WDR19: variants seen among roughly 807,000 people sequenced by gnomAD.
WDR19 encodes the protein WD repeat-containing protein 19.
A neutral mutation model predicts 180.0 loss-of-function variants in WDR19; 121 were observed. The ratio of observed to expected loss-of-function variants is 0.67; its 90% CI spans 0.58 to 0.78. The LOEUF is 0.78. Among genes scored for constraint, WDR19 ranks in the 30% least tolerant of loss-of-function variants. WDR19 has a pLI of 0.00. For missense variants in WDR19, 1,450 were observed against 1,640.7 expected, an observed-to-expected ratio of 0.88 and a Z score of 2.01; for synonymous variants, 497 against 540.7, an observed-to-expected ratio of 0.92 and a Z score of 1.12.
At chr4:39,237,337 A>G (rs1463337879) in intron 20 of WDR19, among the ~76,000 whole-genome samples, 2 of 152,114 alleles carry the variant, frequency 1.3e-5, no homozygotes, top group African/African-American at 2.4e-5. Flanking sequence ...AGGGAGGAAG[A>G]CTGCTTGAGC....
At chr4:39,215,456 C>G (rs1235190078) in intron 10 of WDR19, among the ~76,000 whole-genome samples, 1 of 152,092 alleles carries the variant, frequency 6.6e-6, no homozygotes, top group African/African-American at 2.4e-5. Context: ...CAGTAACATG[C>G]CATACAGGCT....
At chr4:39,281,207 G>A (rs1421265224) in intron 36 of WDR19, among the ~76,000 whole-genome samples, 1 of 104,370 alleles carries the variant, frequency 9.6e-6, no homozygotes, top group African/African-American at 5.2e-5. Flanking sequence ...AAATATATAT[G>A]TGTGTGTGTA....
intron 6 of WDR19, among the ~76,000 whole-genome samples, chr4:39,200,243 A>C (rs1285162183): frequency 6.6e-6 from 1 of 152,260 alleles, no homozygotes; most frequent in Non-Finnish European, 1.5e-5. Flanking sequence ...CTATAGAAAG[A>C]ATATGAAATA....
chr4:39,188,442 CAG>C (rs1399055313), intron 3 of WDR19, among the ~76,000 whole-genome samples: 2 of 151,716 alleles, frequency 1.3e-5, no homozygotes, highest in South Asian at 2.1e-4. Flanking sequence ...TGACCAGGCA[CAG>C]GGGCTCACAC....
chr4:39,244,938 C>CT lies in WDR19; in HGVS notation c.2645+401dup, dbSNP rs72240523. 5.5e-3 allele frequency among the ~76,000 whole-genome samples: 634 copies of CT among 115,210 alleles called. 2 individuals carry two copies. The highest frequency in any genetic ancestry group is 0.015 in the African/African-American group (437 of 29,888). The allele number at this position is 115,210 out of a possible 152,430, so 75.6% of individuals were successfully genotyped here. A position where few individuals can be genotyped will look rare whatever the true frequency, so the allele number is the denominator to read the frequency against. ...AAGATTTTCTTTCTTTTTTTTTTTTCTTTTTTTTTTTTTTTGAGACAGAAG... is the reference window on the plus strand; with the variant it reads ...AAGATTTTCTTTCTTTTTTTTTTTTCTTTTTTTTTTTTTTTTGAGACAGAAG... On this transcript the variant is annotated intron_variant, in intron 23 of 36. Coordinates refer to ENST00000399820, the MANE Select transcript of WDR19 (RefSeq NM_025132.4).
At chr4:39,184,851 T>C (rs998006907) in intron 1 of WDR19, among the ~76,000 whole-genome samples, 17 of 152,314 alleles carry the variant, frequency 1.1e-4, no homozygotes, top group Non-Finnish European at 2.1e-4. Flanking sequence ...CTAAATGTTC[T>C]AGATCAACAC....
chr4:39,251,692 G>A (rs1281526078), intron 24 of WDR19, among the ~76,000 whole-genome samples: 1 of 152,070 alleles, frequency 6.6e-6, no homozygotes. Context: ...CAAAAAGTGG[G>A]TGAAGGATAT....
At chr4:39,274,702 C>A in intron 32 of WDR19, 106 bp from the exon 33 acceptor site, 1 of 1,367,230 alleles carries the variant, frequency 7.3e-7, no homozygotes, top group Non-Finnish European at 1.0e-6. Context: ...AAGCAAAGTT[C>A]AGAGACCATG....
intron 4 of WDR19, among the ~76,000 whole-genome samples, 169 bp from the exon 5 acceptor site, chr4:39,194,375 G>T (rs899358025): frequency 1.3e-5 from 2 of 152,266 alleles, no homozygotes; most frequent in South Asian, 2.1e-4. Flanking sequence ...TCATTCTGTA[G>T]CATCTCCAAA....
intron 17 of WDR19, among the ~76,000 whole-genome samples, chr4:39,230,483 CT>C (rs1730726339): frequency 6.6e-6 from 1 of 152,130 alleles, no homozygotes; most frequent in African/African-American, 2.4e-5. Context: ...TTGGGCTAGT[CT>C]TTTGACGTCT....
chr4:39,257,518 G>T lies in WDR19; in HGVS notation c.3147G>T (p.Ser1049=). Residue 1049 remains serine, a synonymous_variant, in exon 28 of 37, where the codon TCG becomes TCT. Transcript: ENST00000399820. ...ALKHFLKCPS[S]EDNVAIEMAI... is the part of the protein sequence containing the mutation. Reference sequence around the variant, plus strand: ...AACACTTCCTGAAATGCCCAAGCTCGGAAGATAATGTGGCAATAGAAATGG... The same window carrying T: ...AACACTTCCTGAAATGCCCAAGCTCTGAAGATAATGTGGCAATAGAAATGG... 6.3e-7 allele frequency: 1 copy of T among 1,589,712 alleles called. No homozygotes were observed. Among genetic ancestry groups the T allele is most frequent in the East Asian group, 2.3e-5 (1 of 44,232 alleles).
At position 39,225,034 on chromosome 4, in the gene WDR19, G is replaced by C; in HGVS notation, c.1629+1G>C. On this transcript the variant is annotated splice_donor_variant, in intron 15 of 36. Transcript: ENST00000399820. LOFTEE classifies it high-confidence loss of function. ...AAGTGATGGATTTGTTTACTGTCCA[G>C]TAAGTCTGGAACATTTTTAAATGTT... The C allele has an allele frequency of 1.9e-6, 3 of 1,546,984 alleles. No homozygotes were observed. The highest frequency in any genetic ancestry group is 2.6e-6 in the Non-Finnish European group (3 of 1,147,674).
At chr4:39,269,170 C>T (rs1389585921) in intron 30 of WDR19, among the ~76,000 whole-genome samples, 1 of 152,086 alleles carries the variant, frequency 6.6e-6, no homozygotes, top group Non-Finnish European at 1.5e-5. Flanking sequence ...GCGCAGAGGC[C>T]GATCCTGAAG....
At chr4:39,205,983 C>A in intron 9 of WDR19, 2 of 376,316 alleles carry the variant, frequency 5.3e-6, no homozygotes, top group South Asian at 4.2e-5. Context: ...CCATGTCTCC[C>A]ACTGAGTACA....
chr4:39,220,559 G>GTTTTTTTTTTTTTT (rs1491452795), intron 14 of WDR19, among the ~76,000 whole-genome samples: 1 of 39,806 alleles, frequency 2.5e-5, no homozygotes, highest in Admixed American at 3.0e-4. Flanking sequence ...AGACCTCCTT[G>GTTTTTTTTTTTTTT]ATTTTTTTTT....
intron 1 of WDR19, among the ~76,000 whole-genome samples, chr4:39,183,624 C>T (rs564570993): frequency 6.6e-6 from 1 of 152,248 alleles, no homozygotes; most frequent in African/African-American, 2.4e-5. Flanking sequence ...TTGGAATTGA[C>T]GGACCAGTAA....
intron 24 of WDR19, 48 bp downstream of exon 24, chr4:39,245,500 T>C: frequency 6.4e-7 from 1 of 1,565,348 alleles, no homozygotes. Flanking sequence ...AATGTAAGCT[T>C]TACAAATTAA....
chr4:39,279,669 A>G (rs902173379), intron 36 of WDR19, among the ~76,000 whole-genome samples: 1 of 144,762 alleles, frequency 6.9e-6, no homozygotes, highest in African/African-American at 2.7e-5. Flanking sequence ...TCTCCATTCC[A>G]CATCCCTGCC....
chr4:39,200,104 A>G (rs552157010), intron 6 of WDR19, among the ~76,000 whole-genome samples: 2 of 152,340 alleles, frequency 1.3e-5, no homozygotes, highest in African/African-American at 4.8e-5. Context: ...TTGTATCGCC[A>G]GTAGCTACAT....
Sources: allele counts gnomAD v4.1 joint callset (sites outside exome capture counted in the v4.1 genomes callset), GRCh38; gene constraint gnomAD v4.1.1; transcripts MANE v1.5; gene names NCBI Gene and HGNC (gene_info 2026-07-23, HGNC 2026-07-21).